DIPK1C: variants seen among roughly 807,000 people sequenced by gnomAD.
The protein encoded by DIPK1C is divergent protein kinase domain 1C.
DIPK1C carries 33 observed loss-of-function variants against 28.0 expected under a neutral mutation model. The ratio of observed to expected loss-of-function variants is 1.18; its 90% CI spans 0.89 to 1.58. The LOEUF (loss-of-function observed/expected upper bound fraction) is 1.58, where lower values mean the gene tolerates loss of function less well. Ranked by LOEUF, DIPK1C falls within the 40% of genes most tolerant of loss-of-function variation. The probability of loss-of-function intolerance (pLI) is 0.00; values close to 1 mark genes in which losing one functional copy is unlikely to be tolerated. For synonymous variants in DIPK1C, 255 were observed against 248.8 expected (o/e 1.02, Z -0.23); for missense variants, 569 against 568.5 (o/e 1.00, Z -0.01).
chr18:74,449,733 G>A (rs1043438987), intron 1 of DIPK1C, among the ~76,000 whole-genome samples: 2 of 152,180 alleles, frequency 1.3e-5, no homozygotes, highest in African/African-American at 4.8e-5. Flanking sequence ...GCCTGGGGCT[G>A]ACTTTATGTC....
intron 2 of DIPK1C, among the ~76,000 whole-genome samples, chr18:74,444,500 G>A (rs369294797): frequency 1.3e-5 from 2 of 152,224 alleles, no homozygotes; most frequent in South Asian, 2.1e-4. Context: ...AAGCACATAT[G>A]AGAATCGACT....
intron 1 of DIPK1C, among the ~76,000 whole-genome samples, chr18:74,453,165 C>G (rs774793272): frequency 2.6e-5 from 4 of 152,132 alleles, no homozygotes; most frequent in Non-Finnish European, 5.9e-5. Context: ...TAATTTATGT[C>G]ATGGTTCTCA....
upstream of DIPK1C, among the ~76,000 whole-genome samples, chr18:74,462,894 A>G (rs181744762): frequency 2.0e-5 from 3 of 152,338 alleles, no homozygotes; most frequent in African/African-American, 7.2e-5. Flanking sequence ...TCACCCTGCA[A>G]TTTAAGTAAT....
chr18:74,450,471 G>T (rs1183154863), intron 1 of DIPK1C, among the ~76,000 whole-genome samples: 2 of 152,224 alleles, frequency 1.3e-5, no homozygotes, highest in African/African-American at 4.8e-5. Context: ...GCGGGGAGAT[G>T]TGGTCCTGGT....
upstream of DIPK1C, among the ~76,000 whole-genome samples, chr18:74,461,330 T>TCCTTCCTC (rs1986613573): frequency 7.1e-6 from 1 of 140,804 alleles, no homozygotes; most frequent in African/African-American, 2.7e-5. Context: ...CTTTTTCTTT[T>TCCTTCCTC]CCTTCCTTCC....
intron 1 of DIPK1C, among the ~76,000 whole-genome samples, chr18:74,455,218 A>C (rs182753039): frequency 2.6e-5 from 4 of 152,318 alleles, no homozygotes; most frequent in African/African-American, 9.6e-5. Flanking sequence ...GCAATTACTT[A>C]AATTATACTA....
In DIPK1C at chr18:74,446,710, G is replaced by T; in HGVS notation, c.772C>A (p.Leu258Ile). 6.5e-7 allele frequency: 1 copy of T among 1,543,168 alleles called. No individual in the cohort carries two copies. Among genetic ancestry groups the T allele is most frequent in the Non-Finnish European group, 8.8e-7 (1 of 1,142,600 alleles). Residue 258 changes from leucine to isoleucine, a missense_variant, in exon 2 of 4, where the codon CTC (leucine) becomes ATC (isoleucine). By Grantham distance (5) the Leu-to-Ile change is conservative. Transcript: ENST00000343998. Reference protein sequence around the residue: ...GQAKAISDIALSFLDMVNHFD... With the variant: ...GQAKAISDIAISFLDMVNHFD... ...TGGTTCACCATGTCCAAGAAGCTGAGTGCGATGTCACTGATGGCCTTGGCC... is the reference window on the plus strand; with the variant it reads ...TGGTTCACCATGTCCAAGAAGCTGATTGCGATGTCACTGATGGCCTTGGCC...
At position 74,437,501 on chromosome 18, in the gene DIPK1C, C is replaced by T. The variant is rs201311798; in HGVS notation, c.1042-782G>A. On this transcript the variant is annotated intron_variant, in intron 3 of 3. Coordinates refer to ENST00000343998, the MANE Select transcript of DIPK1C (RefSeq NM_001044369.3). ...GCTGGGAGAAATGACCTGCGAGCTG[C>T]GTGATGCATCATGCTTTATTTCTCT... 2.0e-4 allele frequency among the ~76,000 whole-genome samples: 30 copies of T among 152,286 alleles called. No homozygotes were observed. In the East Asian group the frequency reaches 4.0e-3, roughly 21 times the overall value.
At chr18:74,461,749 A>G (rs1292167641), upstream of DIPK1C, among the ~76,000 whole-genome samples, 1 of 151,916 alleles carries the variant, frequency 6.6e-6, no homozygotes, top group Non-Finnish European at 1.5e-5. Flanking sequence ...TATAGTCGTC[A>G]TCTTATTTAT....
intron 2 of DIPK1C, among the ~76,000 whole-genome samples, chr18:74,442,848 C>G (rs1026668766): frequency 6.6e-6 from 1 of 152,168 alleles, no homozygotes; most frequent in Non-Finnish European, 1.5e-5. Flanking sequence ...CTGTGACCTT[C>G]AAGATTCAGG....
intron 2 of DIPK1C, among the ~76,000 whole-genome samples, chr18:74,445,381 C>T (rs9952614): frequency 0.024 from 3,616 of 152,268 alleles, 151 homozygotes; most frequent in African/African-American, 0.082. Context: ...TTTGAGGCAC[C>T]CGTAGGTTGT....
intron 3 of DIPK1C, among the ~76,000 whole-genome samples, chr18:74,438,869 G>A (rs552264489): frequency 6.6e-6 from 1 of 152,104 alleles, no homozygotes; most frequent in East Asian, 1.9e-4. Flanking sequence ...GGCATAGGGG[G>A]GCTTGGTGTT....
At chr18:74,442,309 A>G (rs1391230640) in intron 2 of DIPK1C, among the ~76,000 whole-genome samples, 193 bp from the exon 3 acceptor site, 3 of 151,820 alleles carry the variant, frequency 2.0e-5, no homozygotes, top group African/African-American at 7.3e-5. Flanking sequence ...AAGTGTCTGC[A>G]TGCATTTTCT....
chr18:74,463,983 G>T, the DIPK1C span, among the ~76,000 whole-genome samples: 1 of 152,202 alleles, frequency 6.6e-6, no homozygotes, highest in African/African-American at 2.4e-5. Context: ...TAAAGATTCT[G>T]ATGGCTCTGA....
intron 2 of DIPK1C, among the ~76,000 whole-genome samples, chr18:74,444,285 C>T (rs889311507): frequency 6.6e-6 from 1 of 152,184 alleles, no homozygotes; most frequent in Admixed American, 6.5e-5. Flanking sequence ...CATGAAGGTT[C>T]CTAGTTATTC....
chr18:74,445,953 G>C (rs554735400), intron 2 of DIPK1C, among the ~76,000 whole-genome samples: 130 of 152,334 alleles, frequency 8.5e-4, no homozygotes, highest in Admixed American at 1.7e-3. Context: ...GAGACACTGA[G>C]GCTCCTGCTG....
intron 1 of DIPK1C, among the ~76,000 whole-genome samples, chr18:74,456,857 C>T (rs1986525063): frequency 6.6e-6 from 1 of 152,188 alleles, no homozygotes; most frequent in Admixed American, 6.5e-5. Context: ...GAGACACCCC[C>T]AGCGCGCCCA....
upstream of DIPK1C, among the ~76,000 whole-genome samples, chr18:74,458,302 C>A (rs1028523082): frequency 6.6e-6 from 1 of 152,196 alleles, no homozygotes; most frequent in African/African-American, 2.4e-5. Context: ...TTATTCAGTG[C>A]CCAGTACGTG....
chr18:74,456,716 C>T (rs1369742951), intron 1 of DIPK1C, among the ~76,000 whole-genome samples: 2 of 152,234 alleles, frequency 1.3e-5, no homozygotes, highest in Non-Finnish European at 2.9e-5. Context: ...CGGCCTGACA[C>T]CGGACGCGGC....
Sources: gnomAD v4.1 joint callset for allele counts (sites outside exome capture counted in the v4.1 genomes callset) on GRCh38, gnomAD v4.1.1 for gene constraint, MANE v1.5 for transcripts, NCBI Gene and HGNC (gene_info 2026-07-23, HGNC 2026-07-21) for gene names.